TEK: variants seen among roughly 807,000 people sequenced by gnomAD.
TEK encodes TEK receptor tyrosine kinase.
Under a neutral mutation model 131.8 loss-of-function variants are expected in TEK, and 43 were observed. The observed-to-expected ratio is 0.33, with a 90% CI of 0.26 to 0.42. The LOEUF (loss-of-function observed/expected upper bound fraction) is 0.42, where lower values mean the gene tolerates loss of function less well. Ranked by LOEUF, TEK falls within the 10% of genes least tolerant of loss-of-function variation. TEK has a pLI of 1.00. For synonymous variants in TEK, 580 were observed against 491.6 expected, an observed-to-expected ratio of 1.18 and a Z score of -2.38; for missense variants, 1,162 against 1,384.4, an observed-to-expected ratio of 0.84 and a Z score of 2.55.
intron 1 of TEK, among the ~76,000 whole-genome samples, chr9:27,121,327 A>T (rs1821779360): frequency 6.6e-6 from 1 of 152,196 alleles, no homozygotes; most frequent in African/African-American, 2.4e-5. Context: ...ACTCTGTCTC[A>T]AAATAAATAA....
intron 9 of TEK, among the ~76,000 whole-genome samples, chr9:27,186,765 A>G (rs1404586149): frequency 6.6e-6 from 1 of 152,112 alleles, no homozygotes; most frequent in African/African-American, 2.4e-5. Flanking sequence ...TTCATTAGTA[A>G]TCTCTTGGGA....
At chr9:27,188,998 A>G (rs1172545561) in intron 9 of TEK, among the ~76,000 whole-genome samples, 1 of 152,188 alleles carries the variant, frequency 6.6e-6, no homozygotes, top group African/African-American at 2.4e-5. Flanking sequence ...CAAAGACTTG[A>G]AGGTTATGTC....
intron 21 of TEK, among the ~76,000 whole-genome samples, chr9:27,221,361 G>A (rs989582149): frequency 8.5e-5 from 13 of 152,166 alleles, no homozygotes; most frequent in African/African-American, 1.7e-4. Flanking sequence ...AGACTTAAAC[G>A]TTCCTGCCTG....
intron 12 of TEK, among the ~76,000 whole-genome samples, chr9:27,202,057 C>A (rs1031298961): frequency 6.6e-6 from 1 of 152,198 alleles, no homozygotes; most frequent in Non-Finnish European, 1.5e-5. Context: ...GGATCACGAA[C>A]TTCCCTTCTA....
intron 8 of TEK, 95 bp downstream of exon 8, chr9:27,183,705 T>C: frequency 6.6e-7 from 1 of 1,509,224 alleles, no homozygotes; most frequent in Non-Finnish European, 9.2e-7. Context: ...AGTGCTTTTA[T>C]CCTCCTAGGC....
At chr9:27,160,010 G>GTTTTTTTT (rs563961610) in intron 2 of TEK, among the ~76,000 whole-genome samples, 1 of 84,322 alleles carries the variant, frequency 1.2e-5, no homozygotes, top group African/African-American at 4.9e-5. Flanking sequence ...GCTGTTTAGG[G>GTTTTTTTT]TTTTTTTTTT....
At chr9:27,125,984 T>A (rs1587485574) in intron 1 of TEK, among the ~76,000 whole-genome samples, 1 of 152,200 alleles carries the variant, frequency 6.6e-6, no homozygotes, top group East Asian at 1.9e-4. Context: ...AACTTGCAGC[T>A]AAGGAGGTTT....
intron 13 of TEK, among the ~76,000 whole-genome samples, chr9:27,204,146 T>C (rs913267173): frequency 2.6e-5 from 4 of 152,160 alleles, no homozygotes; most frequent in African/African-American, 9.7e-5. Context: ...AAACCAAAAG[T>C]TTCTCACCAT....
At chr9:27,141,884 T>G (rs1358578993) in intron 1 of TEK, among the ~76,000 whole-genome samples, 1 of 152,258 alleles carries the variant, frequency 6.6e-6, no homozygotes, top group Non-Finnish European at 1.5e-5. Context: ...GGATTTTTAG[T>G]TATAACAGTC....
At chr9:27,196,149 T>C (rs547955828) in intron 11 of TEK, among the ~76,000 whole-genome samples, 1 of 152,374 alleles carries the variant, frequency 6.6e-6, no homozygotes, top group African/African-American at 2.4e-5. Flanking sequence ...TTGGCAAATC[T>C]ACTGTTTTGA....
At chr9:27,158,381 C>T (rs2131120861) in intron 2 of TEK, among the ~76,000 whole-genome samples, 1 of 152,222 alleles carries the variant, frequency 6.6e-6, no homozygotes, top group Admixed American at 6.5e-5. Context: ...TGAAATATTT[C>T]ATATGTTCTA....
At chr9:27,137,924 T>C (rs562427373) in intron 1 of TEK, among the ~76,000 whole-genome samples, 1 of 152,320 alleles carries the variant, frequency 6.6e-6, no homozygotes, top group African/African-American at 2.4e-5. Context: ...TTAAAGATGG[T>C]GTGTCCAGAG....
chr9:27,114,724 G>A (rs1027597954), intron 1 of TEK, among the ~76,000 whole-genome samples: 10 of 152,158 alleles, frequency 6.6e-5, no homozygotes, highest in Non-Finnish European at 2.9e-5. Flanking sequence ...AATGTTTGAT[G>A]TAAATAAAGT....
intron 21 of TEK, among the ~76,000 whole-genome samples, chr9:27,221,553 C>T (rs1357227723): frequency 6.6e-6 from 1 of 152,148 alleles, no homozygotes; most frequent in African/African-American, 2.4e-5. Flanking sequence ...GGCAGGTGCC[C>T]CTCTGGGATG....
chr9:27,212,049 A>G (rs1454668309), intron 16 of TEK, among the ~76,000 whole-genome samples: 1 of 151,946 alleles, frequency 6.6e-6, no homozygotes, highest in Admixed American at 6.6e-5. Context: ...AATGAACCAT[A>G]AGTTTTTCTA....
intron 17 of TEK, 117 bp downstream of exon 17, chr9:27,213,014 C>A: frequency 2.6e-6 from 3 of 1,140,214 alleles, no homozygotes; most frequent in Non-Finnish European, 3.8e-6. Flanking sequence ...TTAAAATCTC[C>A]CTCATTTTAA....
chr9:27,109,463 G>T lies in TEK; in HGVS notation c.-128G>T. 3 of 920,290 alleles carry T rather than the reference G, an allele frequency of 3.3e-6. No individual in the cohort carries two copies. Among genetic ancestry groups the T allele is most frequent in the Non-Finnish European group, 5.4e-6 (3 of 550,924 alleles). 57.0% of individuals were successfully genotyped at this position (920,290 alleles called of 1,614,324 possible). Reference sequence around the variant, plus strand: ...GCCTGCTTCTGTGCTGTTCCTTCTTGCCTCTAACTTGTAAACAAGACGTAG... The same window carrying T: ...GCCTGCTTCTGTGCTGTTCCTTCTTTCCTCTAACTTGTAAACAAGACGTAG... On this transcript the variant is annotated 5_prime_UTR_variant, in exon 1 of 23. Transcript: ENST00000380036.
intron 21 of TEK, among the ~76,000 whole-genome samples, 177 bp downstream of exon 21, chr9:27,220,322 G>A (rs575787806): frequency 1.1e-4 from 17 of 152,240 alleles, no homozygotes; most frequent in Non-Finnish European, 2.1e-4. Context: ...TAATACACAA[G>A]AAGTATTAGC....
chr9:27,119,994 C>T (rs111894484), intron 1 of TEK, among the ~76,000 whole-genome samples: 1 of 152,172 alleles, frequency 6.6e-6, no homozygotes, highest in African/African-American at 2.4e-5. Flanking sequence ...TTCCTTTAGT[C>T]TCCATTCTAC....
Sources: gnomAD v4.1 joint callset for allele counts (sites outside exome capture counted in the v4.1 genomes callset) on GRCh38, gnomAD v4.1.1 for gene constraint, MANE v1.5 for transcripts, NCBI Gene and HGNC (gene_info 2026-07-23, HGNC 2026-07-21) for gene names.